BORCS5: variants seen among roughly 807,000 people sequenced by gnomAD.
BORCS5 encodes the protein BLOC-1-related complex subunit 5.
BORCS5 carries 17 observed loss-of-function variants against 22.1 expected under a neutral mutation model. The observed-to-expected ratio is 0.77, with a 90% confidence interval of 0.53 to 1.15. BORCS5 has a LOEUF of 1.15. Ranked by LOEUF, BORCS5 falls within the 50% of genes most tolerant of loss-of-function variation. The pLI is 0.00. For missense variants in BORCS5, 247 were observed against 253.2 expected (o/e 0.98, Z 0.17); for synonymous variants, 117 against 99.8 (o/e 1.17, Z -1.03).
chr12:12,433,807 G>A (rs991949063), intron 2 of BORCS5, among the ~76,000 whole-genome samples: 12 of 152,160 alleles, frequency 7.9e-5, no homozygotes, highest in Admixed American at 2.0e-4. Flanking sequence ...AGCCCTGTAT[G>A]CTGCTCTGTC....
At chr12:12,396,221 A>T (rs982908524) in intron 2 of BORCS5, among the ~76,000 whole-genome samples, 2 of 151,252 alleles carry the variant, frequency 1.3e-5, no homozygotes, top group African/African-American at 4.9e-5. Flanking sequence ...TCCTGACCTC[A>T]AGTGATCTGC....
chr12:12,379,904 C>A (rs1863739522), intron 2 of BORCS5, among the ~76,000 whole-genome samples: 1 of 151,384 alleles, frequency 6.6e-6, no homozygotes, highest in Non-Finnish European at 1.5e-5. Flanking sequence ...TTGAACATAC[C>A]TTCCTCACTC....
chr12:12,435,992 A>G (rs1942547525), intron 3 of BORCS5: 1 of 480,678 alleles, frequency 2.1e-6, no homozygotes, highest in Admixed American at 4.1e-5. Flanking sequence ...TGCTTGGCCA[A>G]GTTGCTTAAC....
chr12:12,453,641 A>C (rs2136149944), intron 3 of BORCS5, among the ~76,000 whole-genome samples: 1 of 152,304 alleles, frequency 6.6e-6, no homozygotes, highest in Non-Finnish European at 1.5e-5. Flanking sequence ...TGGGAGAAGG[A>C]ATTGAATGTA....
At chr12:12,453,816 T>C (rs1249651835) in intron 3 of BORCS5, among the ~76,000 whole-genome samples, 2 of 152,202 alleles carry the variant, frequency 1.3e-5, no homozygotes, top group Non-Finnish European at 2.9e-5. Context: ...AAACTCTATG[T>C]ACATCAGCAG....
intron 2 of BORCS5, among the ~76,000 whole-genome samples, chr12:12,400,538 T>G (rs1301242228): frequency 6.6e-6 from 1 of 150,760 alleles, no homozygotes; most frequent in Non-Finnish European, 1.5e-5. Flanking sequence ...CCATAGAGAT[T>G]ATCAGCTGCT....
At chr12:12,357,761 T>TAC (rs1401005342) in intron 1 of BORCS5, among the ~76,000 whole-genome samples, 2 of 152,232 alleles carry the variant, frequency 1.3e-5, no homozygotes, top group African/African-American at 4.8e-5. Context: ...TTCTCCCAGC[T>TAC]ACAGCCTCCT....
intron 2 of BORCS5, among the ~76,000 whole-genome samples, chr12:12,416,778 ACTT>A (rs1402881927): frequency 1.6e-5 from 2 of 126,176 alleles, no homozygotes; most frequent in Non-Finnish European, 3.5e-5. Flanking sequence ...TTTAATGTAA[ACTT>A]TTTTTTTTTT....
chr12:12,376,876 C>T (rs1863666581), intron 2 of BORCS5, among the ~76,000 whole-genome samples: 1 of 152,164 alleles, frequency 6.6e-6, no homozygotes, highest in South Asian at 2.1e-4. Flanking sequence ...CTGGTGCAGT[C>T]TTTTCAAAGG....
intron 1 of BORCS5, among the ~76,000 whole-genome samples, chr12:12,359,950 T>G (rs1043341161): frequency 5.3e-5 from 8 of 151,910 alleles, no homozygotes; most frequent in African/African-American, 1.9e-4. Flanking sequence ...AATAGGGAGA[T>G]ATATATATAT....
intron 3 of BORCS5, among the ~76,000 whole-genome samples, chr12:12,457,181 A>G (rs1350337056): frequency 2.6e-5 from 4 of 152,158 alleles, no homozygotes; most frequent in African/African-American, 9.7e-5. Flanking sequence ...TTTAATTCTC[A>G]CGTCAACCCT....
At chr12:12,428,768 A>C (rs1364406484) in intron 2 of BORCS5, among the ~76,000 whole-genome samples, 2 of 152,174 alleles carry the variant, frequency 1.3e-5, no homozygotes, top group East Asian at 3.9e-4. Flanking sequence ...AAAATTATAT[A>C]GTGAGATGAA....
intron 2 of BORCS5, among the ~76,000 whole-genome samples, chr12:12,415,969 C>T (rs377424560): frequency 6.6e-6 from 1 of 152,092 alleles, no homozygotes; most frequent in East Asian, 1.9e-4. Context: ...TTTTCTTTAT[C>T]AGGAGATTTT....
chr12:12,366,686 C>T (rs947178986), intron 2 of BORCS5, among the ~76,000 whole-genome samples: 1 of 152,108 alleles, frequency 6.6e-6, no homozygotes, highest in Non-Finnish European at 1.5e-5. Context: ...TGAAATTCAA[C>T]CACTCATATT....
chr12:12,357,544 G>T (rs759705250), intron 1 of BORCS5, 35 bp downstream of exon 1: 2 of 1,588,130 alleles, frequency 1.3e-6, no homozygotes, highest in East Asian at 2.3e-5. Context: ...CCTCCAGCCC[G>T]CCCTGTCCCC....
chr12:12,416,262 T>G (rs957541726), intron 2 of BORCS5, among the ~76,000 whole-genome samples: 2 of 152,088 alleles, frequency 1.3e-5, no homozygotes, highest in Non-Finnish European at 2.9e-5. Flanking sequence ...GTTTATCTTT[T>G]TAAAGAATCA....
At position 12,459,410 on chromosome 12, in the gene BORCS5, A is replaced by G. The variant is rs540937347; in HGVS notation, c.361-6136A>G. Among the ~76,000 whole-genome samples, 4 of 150,446 alleles carry G rather than the reference A, an allele frequency of 2.7e-5. No homozygotes were observed. In the South Asian group the frequency reaches 6.4e-4, roughly 24 times the overall value. On this transcript the variant is annotated intron_variant, in intron 3 of 3. Transcript: ENST00000314565. ...ACTGCAACCTCTACCTTCCAGGTTC[A>G]AGTGATTCTCCTGCCTCAGCCTCCC... is the stretch of plus-strand genomic sequence containing the variant.
chr12:12,412,907 T>C (rs1407772968), intron 2 of BORCS5, among the ~76,000 whole-genome samples: 7 of 137,738 alleles, frequency 5.1e-5, no homozygotes, highest in Middle Eastern at 3.7e-3. Flanking sequence ...TTTCTTTTTT[T>C]TTTTTTTTTT....
intron 2 of BORCS5, among the ~76,000 whole-genome samples, chr12:12,400,918 C>T (rs950361560): frequency 1.3e-5 from 2 of 152,158 alleles, no homozygotes; most frequent in East Asian, 1.9e-4. Context: ...CTATATGTAT[C>T]CTTCAGCTAC....
Sources: allele counts gnomAD v4.1 joint callset (sites outside exome capture counted in the v4.1 genomes callset), GRCh38; gene constraint gnomAD v4.1.1; transcripts MANE v1.5; gene names NCBI Gene and HGNC (gene_info 2026-07-23, HGNC 2026-07-21).